The following IGF2BP3 variants were observed in gnomAD, a reference collection of about 807,000 sequenced individuals.
IGF2BP3 encodes the protein insulin-like growth factor 2 mRNA-binding protein 3.
In IGF2BP3, 9 loss-of-function variants were observed where a neutral mutation model predicts 73.8. The observed-to-expected ratio is 0.12, with a 90% CI of 0.07 to 0.21. The LOEUF (loss-of-function observed/expected upper bound fraction) is 0.21. Ranked by LOEUF, IGF2BP3 falls within the 10% of genes least tolerant of loss-of-function variation. The pLI, the probability that IGF2BP3 is intolerant of heterozygous loss-of-function variation, is 1.00. For missense variants in IGF2BP3, 542 were observed against 714.0 expected (o/e 0.76, Z 2.75); for synonymous variants, 258 against 256.7 (o/e 1.01, Z -0.05).
At position 23,470,292 on chromosome 7, in the gene IGF2BP3, T is replaced by C; in HGVS notation, c.-182A>G. 2.0e-6 allele frequency: 1 copy of C among 499,294 alleles called. No individual in the cohort carries two copies. Among genetic ancestry groups the C allele is most frequent in the Non-Finnish European group, 3.5e-6 (1 of 283,864 alleles). The allele number at this position is 499,294 out of a possible 1,614,324, so 30.9% of individuals were successfully genotyped here. On this transcript the variant is annotated 5_prime_UTR_variant, in exon 1 of 15. Transcript: ENST00000258729. ...AAAATCAGATCCGAGGCTTGTTTTT[T>C]CCTTGTCTAGATGTGTTTTAAAAGA...
chr7:23,381,810 C>G (rs893327018), intron 3 of IGF2BP3, among the ~76,000 whole-genome samples: 2 of 152,156 alleles, frequency 1.3e-5, no homozygotes, highest in African/African-American at 4.8e-5. Flanking sequence ...TTCAAATGAT[C>G]CACCCACCTC....
intron 3 of IGF2BP3, among the ~76,000 whole-genome samples, chr7:23,391,097 C>CTTTT (rs773815068): frequency 9.4e-6 from 1 of 105,878 alleles, no homozygotes; most frequent in Non-Finnish European, 1.9e-5. Flanking sequence ...TCGCGCCTGG[C>CTTTT]TTTTTTTTTT....
chr7:23,373,224 T>C (rs578150392), intron 3 of IGF2BP3, among the ~76,000 whole-genome samples: 1 of 152,322 alleles, frequency 6.6e-6, no homozygotes, highest in South Asian at 2.1e-4. Flanking sequence ...TAGCCAGCAT[T>C]AACTTGTGCT....
rs902642869 is a variant in IGF2BP3 at position 23,310,377 on chromosome 7, TAA to T, written c.*1983_*1984del. The T allele has an allele frequency of 8.6e-5, 13 of 150,986 alleles. No individual in the cohort carries two copies. The highest frequency in any genetic ancestry group is 3.1e-4 in the African/African-American group (13 of 41,418). The allele number at this position is 150,986 out of a possible 1,614,324, so 9.4% of individuals were successfully genotyped here. ...ATACTCCAAATTACAAATGCTTAAG[TAA>T]AAGTAAAATATGATTTGCCATACTA... On this transcript the variant is annotated 3_prime_UTR_variant, in exon 15 of 15. Transcript: ENST00000258729.
chr7:23,353,757 ACACATGC>A (rs1194878808), intron 5 of IGF2BP3, among the ~76,000 whole-genome samples: 2 of 152,202 alleles, frequency 1.3e-5, no homozygotes, highest in East Asian at 3.9e-4. Flanking sequence ...ATGATAGCTG[ACACATGC>A]CACACTTATT....
chr7:23,414,903 G>C, intron 3 of IGF2BP3: 1 of 171,378 alleles, frequency 5.8e-6, no homozygotes, highest in South Asian at 1.2e-4. Context: ...TCCATCAGTC[G>C]GCATCACCAC....
intron 10 of IGF2BP3, among the ~76,000 whole-genome samples, chr7:23,322,193 T>G (rs1484825385): frequency 6.6e-6 from 1 of 152,028 alleles, no homozygotes; most frequent in Non-Finnish European, 1.5e-5. Flanking sequence ...GAAGAATGTA[T>G]AACTAGAATA....
At chr7:23,411,983 T>TC (rs1406225446) in intron 3 of IGF2BP3, among the ~76,000 whole-genome samples, 83 of 145,076 alleles carry the variant, frequency 5.7e-4, no homozygotes, top group African/African-American at 2.2e-3. Context: ...CACTTATTTC[T>TC]CTTTTTTTTT....
chr7:23,419,191 G>A (rs183034920), intron 2 of IGF2BP3, among the ~76,000 whole-genome samples: 12 of 152,288 alleles, frequency 7.9e-5, no homozygotes, highest in East Asian at 7.7e-4. Context: ...TACTCTGACC[G>A]TTACAGCTAA....
intron 3 of IGF2BP3, among the ~76,000 whole-genome samples, chr7:23,401,098 A>G (rs1267856984): frequency 6.6e-6 from 1 of 152,198 alleles, no homozygotes; most frequent in Non-Finnish European, 1.5e-5. Flanking sequence ...CGCCCAGCCC[A>G]AAACCCTAAT....
At chr7:23,334,560 G>C (rs1302126579) in intron 10 of IGF2BP3, among the ~76,000 whole-genome samples, 1 of 152,202 alleles carries the variant, frequency 6.6e-6, no homozygotes, top group Non-Finnish European at 1.5e-5. Flanking sequence ...TTCCATTTAA[G>C]TTAAGGTCTA....
At chr7:23,422,098 G>A (rs1354011112) in intron 2 of IGF2BP3, among the ~76,000 whole-genome samples, 1 of 152,046 alleles carries the variant, frequency 6.6e-6, no homozygotes, top group East Asian at 1.9e-4. Context: ...TTTTAATCAA[G>A]TATCTAACAC....
intron 3 of IGF2BP3, among the ~76,000 whole-genome samples, chr7:23,393,847 T>A (rs1252839796): frequency 2.0e-5 from 3 of 152,114 alleles, no homozygotes; most frequent in African/African-American, 7.2e-5. Flanking sequence ...AGTCTCTCCT[T>A]GAGAGTCCCT....
intron 3 of IGF2BP3, among the ~76,000 whole-genome samples, chr7:23,394,357 C>T (rs1786381229): frequency 6.6e-6 from 1 of 152,090 alleles, no homozygotes; most frequent in African/African-American, 2.4e-5. Context: ...GTCCCAGCTA[C>T]TCGGGAAGCT....
intron 3 of IGF2BP3, among the ~76,000 whole-genome samples, chr7:23,411,984 C>CCT (rs1787037594): frequency 9.5e-6 from 1 of 104,854 alleles, no homozygotes; most frequent in African/African-American, 4.3e-5. Flanking sequence ...ACTTATTTCT[C>CCT]TTTTTTTTTT....
At chr7:23,423,902 G>A (rs940099420) in intron 2 of IGF2BP3, among the ~76,000 whole-genome samples, 8 of 149,968 alleles carry the variant, frequency 5.3e-5, no homozygotes, top group African/African-American at 1.2e-4. Context: ...GGCAGATCAC[G>A]AGGTCAGAAG....
chr7:23,403,857 T>G (rs753870810), intron 3 of IGF2BP3, among the ~76,000 whole-genome samples: 1 of 152,006 alleles, frequency 6.6e-6, no homozygotes, highest in Admixed American at 6.6e-5. Flanking sequence ...GCACGGTGAC[T>G]CACGACTGTA....
intron 12 of IGF2BP3, among the ~76,000 whole-genome samples, chr7:23,315,581 G>C (rs182302923): frequency 6.6e-6 from 1 of 152,136 alleles, no homozygotes; most frequent in South Asian, 2.1e-4. Flanking sequence ...CCCAACACGC[G>C]TTCACTGATT....
intron 2 of IGF2BP3, among the ~76,000 whole-genome samples, chr7:23,439,790 G>C (rs1413434518): frequency 6.6e-6 from 1 of 152,106 alleles, no homozygotes; most frequent in African/African-American, 2.4e-5. Context: ...CAAAGAAACT[G>C]AGGTGGGTGG....
Sources: allele counts gnomAD v4.1 joint callset (sites outside exome capture counted in the v4.1 genomes callset), GRCh38; gene constraint gnomAD v4.1.1; transcripts MANE v1.5; gene names NCBI Gene and HGNC (gene_info 2026-07-23, HGNC 2026-07-21).